The following CTNNA2 variants were observed in gnomAD, a reference collection of about 807,000 sequenced individuals.
CTNNA2 encodes the protein catenin alpha 2.
A neutral mutation model predicts 101.0 loss-of-function variants in CTNNA2; 42 were observed. That is an observed-to-expected ratio of 0.42 (90% confidence interval 0.32 to 0.54). The LOEUF (loss-of-function observed/expected upper bound fraction) is 0.54. Among genes scored for constraint, CTNNA2 ranks in the 20% least tolerant of loss-of-function variants. CTNNA2 has a pLI of 0.14. For missense variants in CTNNA2, 871 were observed against 1,223.1 expected (o/e 0.71, Z 4.29); for synonymous variants, 450 against 456.4 (o/e 0.99, Z 0.18).
chr2:79,441,875 A>G (rs951122738), intron 4 of CTNNA2, among the ~76,000 whole-genome samples: 1 of 152,180 alleles, frequency 6.6e-6, no homozygotes, highest in African/African-American at 2.4e-5. Flanking sequence ...TTCTGTTTCT[A>G]GAACAAGTCA....
chr2:79,261,600 C>T (rs1040101825), intron 2 of CTNNA2, among the ~76,000 whole-genome samples: 1 of 152,360 alleles, frequency 6.6e-6, no homozygotes, highest in South Asian at 2.1e-4. Context: ...ATTGTGTCCA[C>T]ACATGGCCTT....
intron 3 of CTNNA2, among the ~76,000 whole-genome samples, chr2:79,844,689 C>A (rs1242230400): frequency 6.6e-6 from 1 of 152,112 alleles, no homozygotes; most frequent in Non-Finnish European, 1.5e-5. Context: ...CCCTAAAGCC[C>A]GCTTTTCATT....
At chr2:80,315,214 T>C (rs1558998526) in intron 7 of CTNNA2, among the ~76,000 whole-genome samples, 1 of 152,128 alleles carries the variant, frequency 6.6e-6, no homozygotes, top group African/African-American at 2.4e-5. Flanking sequence ...GCTCCCTCTT[T>C]AGATATCTGT....
chr2:79,940,719 T>C (rs1055524642), intron 7 of CTNNA2, among the ~76,000 whole-genome samples: 5 of 152,200 alleles, frequency 3.3e-5, no homozygotes, highest in Non-Finnish European at 7.3e-5. Context: ...CCATCATAGC[T>C]TAGCCTAGCC....
intron 7 of CTNNA2, among the ~76,000 whole-genome samples, chr2:80,102,719 T>A (rs1700618624): frequency 6.6e-6 from 1 of 152,052 alleles, no homozygotes; most frequent in African/African-American, 2.4e-5. Flanking sequence ...ACCATGTTGC[T>A]CAGGCTGGTC....
intron 7 of CTNNA2, among the ~76,000 whole-genome samples, chr2:79,978,700 A>C (rs1489099079): frequency 6.6e-6 from 1 of 152,180 alleles, no homozygotes. Flanking sequence ...AGAGCCACCA[A>C]CTACTGATGA....
intron 1 of CTNNA2, among the ~76,000 whole-genome samples, chr2:79,530,450 G>A (rs1672667589): frequency 6.6e-6 from 1 of 150,842 alleles, no homozygotes; most frequent in African/African-American, 2.4e-5. Flanking sequence ...TGCACAATCT[G>A]AATAGTGAAG....
At chr2:80,488,166 A>T (rs1042171884) in intron 9 of CTNNA2, among the ~76,000 whole-genome samples, 1 of 152,180 alleles carries the variant, frequency 6.6e-6, no homozygotes, top group Non-Finnish European at 1.5e-5. Flanking sequence ...GATAATGGTT[A>T]AAAAAATGAG....
intron 7 of CTNNA2, among the ~76,000 whole-genome samples, chr2:79,914,755 A>T (rs1341539922): frequency 6.6e-6 from 1 of 152,114 alleles, no homozygotes. Flanking sequence ...TTACAATTGT[A>T]TATTTTTTTA....
intron 4 of CTNNA2, among the ~76,000 whole-genome samples, chr2:79,443,480 C>T (rs1678798130): frequency 6.6e-6 from 1 of 152,056 alleles, no homozygotes; most frequent in African/African-American, 2.4e-5. Flanking sequence ...ACTCAGTCTA[C>T]AGATTCAAAT....
Position 80,398,177 on chromosome 2 carries a change from C to G in CTNNA2, c.1137+4886C>G, listed in dbSNP as rs533726594. Among the ~76,000 whole-genome samples the G allele has an allele frequency of 5.9e-5, 9 of 152,246 alleles. No homozygotes were observed. In the South Asian group the frequency reaches 1.9e-3, roughly 32 times the overall value. On this transcript the variant is annotated intron_variant, in intron 8 of 18. Transcript: ENST00000402739. ...GGCCTCTCAAAACATGAATTATAGA[C>G]TTTCCAGAACAATTACAGAAAAAAG...
intron 15 of CTNNA2, among the ~76,000 whole-genome samples, chr2:80,590,443 T>C (rs1287600179): frequency 2.6e-5 from 3 of 115,822 alleles, no homozygotes; most frequent in Admixed American, 9.1e-5. Flanking sequence ...TGTTTTTTTT[T>C]CTGGAAAACA....
chr2:79,464,995 C>G (rs541174268), intron 4 of CTNNA2, among the ~76,000 whole-genome samples: 36 of 152,228 alleles, frequency 2.4e-4, no homozygotes, highest in Non-Finnish European at 4.1e-4. Context: ...TAATTAGATC[C>G]CATTTGTCAA....
At chr2:79,190,944 A>G (rs560786613) in intron 1 of CTNNA2, among the ~76,000 whole-genome samples, 5 of 152,208 alleles carry the variant, frequency 3.3e-5, no homozygotes, top group Admixed American at 2.6e-4. Flanking sequence ...ATAGTCATCT[A>G]TCTCTCCCTC....
In CTNNA2 at chr2:79,628,745, C is replaced by A. The variant is rs1014406938; in HGVS notation, c.-5-22807C>A. Among the ~76,000 whole-genome samples the A allele has an allele frequency of 5.3e-5, 8 of 152,118 alleles. No homozygotes were observed. In the East Asian group the frequency reaches 1.5e-3, roughly 29 times the overall value. On this transcript the variant is annotated intron_variant, in intron 1 of 18. Coordinates refer to ENST00000402739, the MANE Select transcript of CTNNA2 (RefSeq NM_001282597.3). ...TAAGACAGCCTCTGACTTGCAATTT[C>A]TTTATTAATTTTATTTTCTTAAGGT...
At chr2:79,909,537 C>G (rs1338780253) in intron 6 of CTNNA2, 57 bp from the exon 7 acceptor site, 2 of 1,447,204 alleles carry the variant, frequency 1.4e-6, no homozygotes, top group Non-Finnish European at 1.9e-6. Flanking sequence ...AAACAGGGTG[C>G]CAAGGCAGAC....
intron 7 of CTNNA2, among the ~76,000 whole-genome samples, chr2:80,002,004 G>A (rs1368231139): frequency 1.3e-5 from 2 of 152,118 alleles, no homozygotes; most frequent in Non-Finnish European, 2.9e-5. Flanking sequence ...GTACTTCCAA[G>A]TTATCTCGTT....
At position 80,383,061 on chromosome 2, in the gene CTNNA2, AT is replaced by A. The variant is rs147376039; in HGVS notation, c.1057-10149del. 6.5e-3 allele frequency among the ~76,000 whole-genome samples: 984 copies of A among 152,266 alleles called. 5 individuals are homozygous for A. Among genetic ancestry groups the A allele is most frequent in the African/African-American group, 0.022 (926 of 41,544 alleles). On this transcript the variant is annotated intron_variant, in intron 7 of 18. Coordinates refer to ENST00000402739, the MANE Select transcript of CTNNA2 (RefSeq NM_001282597.3). ...GGTCTCTTGCAGGCTTAGAAGGGGTATGTGGTTAATTAACCCCAGCTTTTAG... is the reference window on the plus strand; with the variant it reads ...GGTCTCTTGCAGGCTTAGAAGGGGTAGTGGTTAATTAACCCCAGCTTTTAG...
At chr2:79,704,210 T>A (rs1685195335) in intron 2 of CTNNA2, among the ~76,000 whole-genome samples, 1 of 152,198 alleles carries the variant, frequency 6.6e-6, no homozygotes, top group Non-Finnish European at 1.5e-5. Context: ...TTCACTTAGG[T>A]CAGCCTTTTA....
Sources: allele counts gnomAD v4.1 joint callset (sites outside exome capture counted in the v4.1 genomes callset), GRCh38; gene constraint gnomAD v4.1.1; transcripts MANE v1.5; gene names NCBI Gene and HGNC (gene_info 2026-07-23, HGNC 2026-07-21).